SLC5A1: variants seen among roughly 807,000 people sequenced by gnomAD.
SLC5A1 encodes the protein sodium/glucose cotransporter 1.
Under a neutral mutation model 73.5 loss-of-function variants are expected in SLC5A1, and 42 were observed. The ratio of observed to expected loss-of-function variants is 0.57; its 90% confidence interval spans 0.45 to 0.74. The LOEUF (loss-of-function observed/expected upper bound fraction) is 0.74. Among genes scored for constraint, SLC5A1 ranks in the 30% least tolerant of loss-of-function variants. The probability of loss-of-function intolerance (pLI) is 0.00; values close to 1 mark genes in which losing one functional copy is unlikely to be tolerated. For missense variants in SLC5A1, 634 were observed against 855.4 expected (o/e 0.74, Z 3.23); for synonymous variants, 300 against 317.4 (o/e 0.95, Z 0.58).
At chr22:32,072,924 T>G (rs2093984994) in intron 5 of SLC5A1, among the ~76,000 whole-genome samples, 1 of 152,232 alleles carries the variant, frequency 6.6e-6, no homozygotes, top group South Asian at 2.1e-4. Context: ...CTTCATATAT[T>G]CTGGATGTTA....
chr22:32,080,347 T>A (rs1028418630), intron 5 of SLC5A1, among the ~76,000 whole-genome samples: 1 of 152,130 alleles, frequency 6.6e-6, no homozygotes, highest in East Asian at 1.9e-4. Flanking sequence ...CCTCCAGGGC[T>A]CACGTGTTAG....
chr22:32,080,192 C>T (rs1486808604), intron 5 of SLC5A1, among the ~76,000 whole-genome samples: 1 of 152,176 alleles, frequency 6.6e-6, no homozygotes, highest in Non-Finnish European at 1.5e-5. Flanking sequence ...CCTCCCACCT[C>T]CTGGCTCTGC....
At chr22:32,059,278 G>T (rs2093956585) in intron 2 of SLC5A1, 1 of 985,564 alleles carries the variant, frequency 1.0e-6, no homozygotes, top group South Asian at 4.7e-5. Flanking sequence ...CAGCAGACTT[G>T]TGTGGAAGCA....
chr22:32,073,854 C>T (rs572893044), intron 5 of SLC5A1, among the ~76,000 whole-genome samples: 7 of 152,250 alleles, frequency 4.6e-5, no homozygotes, highest in East Asian at 1.9e-4. Context: ...CCACTGCGCC[C>T]GGCCCCCGGG....
rs1216918970 is a variant in SLC5A1 at position 32,071,973 on chromosome 22, ATCACTTAGCTT to A, written c.477+3375_477+3385del. 2.0e-5 allele frequency among the ~76,000 whole-genome samples: 3 copies of A among 152,282 alleles called. No individual in the cohort carries two copies. In the East Asian group the frequency reaches 5.8e-4, roughly 29 times the overall value. ...ACAAGCACTCACGGACCTAACACTG[ATCACTTAGCTT>A]TAACAATTGTCAACATTTTGCCATT... On this transcript the variant is annotated intron_variant, in intron 5 of 14. Coordinates refer to ENST00000266088, the MANE Select transcript of SLC5A1 (RefSeq NM_000343.4).
rs182534863 is a variant in SLC5A1 at position 32,061,236 on chromosome 22, C to T, written c.208-5699C>T. 7.6e-4 allele frequency among the ~76,000 whole-genome samples: 116 copies of T among 152,172 alleles called. 2 individuals carry two copies. Among genetic ancestry groups the T allele is most frequent in the Admixed American group, 5.1e-3 (78 of 15,274 alleles). On this transcript the variant is annotated intron_variant, in intron 2 of 14. Coordinates refer to ENST00000266088, the MANE Select transcript of SLC5A1 (RefSeq NM_000343.4). ...GTCAGGAGTTCAAGACCAGCCTAGC[C>T]AATATGGTCAAACCCTGTCTCTACT...
chr22:32,066,115 CCTGATA>C (rs2093972595), intron 2 of SLC5A1, among the ~76,000 whole-genome samples: 1 of 152,188 alleles, frequency 6.6e-6, no homozygotes, highest in Non-Finnish European at 1.5e-5. Flanking sequence ...TCTTGCTTTA[CCTGATA>C]CTTTCTTTTT....
In SLC5A1 at chr22:32,052,265, G is replaced by A. The variant is rs533527246; in HGVS notation, c.207+2251G>A. Among the ~76,000 whole-genome samples the A allele has an allele frequency of 5.2e-4, 79 of 152,260 alleles. 1 individual carries two copies. Among genetic ancestry groups the A allele is most frequent in the Admixed American group, 1.7e-3 (26 of 15,288 alleles). On this transcript the variant is annotated intron_variant, in intron 2 of 14. Coordinates refer to ENST00000266088, the MANE Select transcript of SLC5A1 (RefSeq NM_000343.4). The stretch of plus-strand genomic sequence containing the variant: ...AAACCAAGAAATTATTTCATTTGGG[G>A]CCGACCAGAGACCCTGATGAAAATT...
rs751464209 is a variant in SLC5A1 at position 32,105,960 on chromosome 22, A to G, written c.1771+1069A>G. On this transcript the variant is annotated intron_variant, in intron 14 of 14. Transcript: ENST00000266088. The stretch of plus-strand genomic sequence containing the variant: ...GAATAGTACTCCATTGTGTATATGT[A>G]CCCATTTTCTTTATCCATTCATCTG... Among the ~76,000 whole-genome samples the G allele has an allele frequency of 6.6e-5, 10 of 152,286 alleles. No individual in the cohort carries two copies. The South Asian group carries it at 1.5e-3, about 22-fold the overall frequency.
chr22:32,102,882 T>C (rs1276442692), intron 13 of SLC5A1, among the ~76,000 whole-genome samples: 3 of 152,220 alleles, frequency 2.0e-5, no homozygotes, highest in African/African-American at 4.8e-5. Context: ...GTTCCATCCA[T>C]GTTGTTGCAA....
At position 32,078,904 on chromosome 22, in the gene SLC5A1, G is replaced by A. The variant is rs918642357; in HGVS notation, c.478-2962G>A. Reference sequence around the variant, plus strand: ...TGGGAGATGGAGGTTGCAGTGAGCCGAGATTGTGCCACTGCACTCCAGCCT... The same window carrying A: ...TGGGAGATGGAGGTTGCAGTGAGCCAAGATTGTGCCACTGCACTCCAGCCT... On this transcript the variant is annotated intron_variant, in intron 5 of 14. Transcript: ENST00000266088. 9.1e-5 allele frequency among the ~76,000 whole-genome samples: 13 copies of A among 142,666 alleles called. No homozygotes were observed. In the East Asian group the frequency reaches 1.2e-3, roughly 13 times the overall value. The allele number at this position is 142,666 out of a possible 152,430, so 93.6% of individuals were successfully genotyped here.
At chr22:32,054,534 G>A (rs1172580698) in intron 2 of SLC5A1, among the ~76,000 whole-genome samples, 2 of 152,174 alleles carry the variant, frequency 1.3e-5, no homozygotes, top group African/African-American at 4.8e-5. Context: ...TGATCAGAAG[G>A]AGCCAGCCAT....
At position 32,112,340 on chromosome 22, in the gene SLC5A1, C is replaced by T. The variant is rs1192997240; in HGVS notation, c.*2127C>T. On this transcript the variant is annotated 3_prime_UTR_variant, in exon 15 of 15. Coordinates refer to ENST00000266088, the MANE Select transcript of SLC5A1 (RefSeq NM_000343.4). ...ACCCCTACACCATGACCACCAAGTT[C>T]CTCACCTTGGCTGAGTCCCTAAAAC... is the stretch of plus-strand genomic sequence containing the variant. 6.6e-6 allele frequency: 1 copy of T among 152,112 alleles called. No homozygotes were observed. Among genetic ancestry groups the T allele is most frequent in the Non-Finnish European group, 1.5e-5 (1 of 68,048 alleles). 9.4% of individuals were successfully genotyped at this position (152,112 alleles called of 1,614,324 possible).
In SLC5A1 at chr22:32,043,560, G is replaced by A. The variant is rs1007135013; in HGVS notation, c.135+144G>A. On this transcript the variant is annotated intron_variant, in intron 1 of 14. Transcript: ENST00000266088. The surrounding 1 kb of genome is among the most constrained non-coding windows in gnomAD (Gnocchi z 6.5). ...TGGAAGCACTTTAGAAGCACTCAGA[G>A]GCACAGCATGAAGGGAGGAGGGCAA... 1 of 887,392 alleles carries A rather than the reference G, an allele frequency of 1.1e-6. No individual in the cohort carries two copies. The highest frequency in any genetic ancestry group is 1.8e-6 in the Non-Finnish European group (1 of 554,298). The allele number at this position is 887,392 out of a possible 1,614,324, so 55.0% of individuals were successfully genotyped here. A position where few individuals can be genotyped will look rare whatever the true frequency, so the allele number is the denominator to read the frequency against.
intron 9 of SLC5A1, among the ~76,000 whole-genome samples, chr22:32,085,666 T>A (rs1022522581): frequency 1.6e-4 from 24 of 151,784 alleles, no homozygotes; most frequent in African/African-American, 5.8e-4. Flanking sequence ...CCACCCTGAA[T>A]GTTTCTTTGA....
chr22:32,092,761 G>C (rs771507491), intron 11 of SLC5A1, among the ~76,000 whole-genome samples: 1 of 152,116 alleles, frequency 6.6e-6, no homozygotes, highest in Non-Finnish European at 1.5e-5. Context: ...TGGGTTGCCC[G>C]TTTACTCTGC....
At position 32,112,048 on chromosome 22, in the gene SLC5A1, C is replaced by T. The variant is rs944234553; in HGVS notation, c.*1835C>T. On this transcript the variant is annotated 3_prime_UTR_variant, in exon 15 of 15. Coordinates refer to ENST00000266088, the MANE Select transcript of SLC5A1 (RefSeq NM_000343.4). ...GAAGGCTCAGAGTACAGATATACCC[C>T]GAGCAACGTGATCAATGTCCTTGAA... 2.0e-5 allele frequency: 3 copies of T among 152,118 alleles called. No homozygotes were observed. The highest frequency in any genetic ancestry group is 2.9e-5 in the Non-Finnish European group (2 of 68,026). The allele number at this position is 152,118 out of a possible 1,614,324, so 9.4% of individuals were successfully genotyped here. A position where few individuals can be genotyped will look rare whatever the true frequency, so the allele number is the denominator to read the frequency against.
At position 32,084,479 on chromosome 22, in the gene SLC5A1, G is replaced by T; in HGVS notation, c.705G>T (p.Lys235Asn). 3 of 1,614,228 alleles carry T rather than the reference G, an allele frequency of 1.9e-6. No individual in the cohort carries two copies. The highest frequency in any genetic ancestry group is 2.5e-6 in the Non-Finnish European group (3 of 1,180,046). Reference sequence around the variant, plus strand: ...GAGGCTATGACGCCTTCATGGAAAAGTACATGAAAGCCATTCCAACCATAG... The same window carrying T: ...GAGGCTATGACGCCTTCATGGAAAATTACATGAAAGCCATTCCAACCATAG... ...EVGGYDAFMEKYMKAIPTIVS... is the reference protein window; with the variant it reads ...EVGGYDAFMENYMKAIPTIVS... Residue 235 changes from lysine (K) to asparagine (N), a missense_variant, in exon 8 of 15, where the codon AAG (lysine) becomes AAT (asparagine). Lys to Asn is a moderately conservative substitution (Grantham distance 94, BLOSUM62 0). Transcript: ENST00000266088.
In SLC5A1 at chr22:32,112,176, A is replaced by C. The variant is rs1342841514; in HGVS notation, c.*1963A>C. 5.3e-5 allele frequency: 8 copies of C among 152,344 alleles called. No individual in the cohort carries two copies. In the East Asian group the frequency reaches 1.5e-3, roughly 29 times the overall value. 9.4% of individuals were successfully genotyped at this position (152,344 alleles called of 1,614,324 possible). On this transcript the variant is annotated 3_prime_UTR_variant, in exon 15 of 15. Coordinates refer to ENST00000266088, the MANE Select transcript of SLC5A1 (RefSeq NM_000343.4). ...CAGTATAACATTTATTTAAATAAGT[A>C]GGTGCTCAATAGGTGTTGGTCTTCT...
Sources: gnomAD v4.1 joint callset for allele counts (sites outside exome capture counted in the v4.1 genomes callset) on GRCh38, gnomAD v4.1.1 for gene constraint, Gnocchi (gnomAD v3.1) non-coding constraint, MANE v1.5 for transcripts, NCBI Gene and HGNC (gene_info 2026-07-23, HGNC 2026-07-21) for gene names.